The following APAF1 variants were observed in gnomAD, a reference collection of about 807,000 sequenced individuals.
APAF1 encodes apoptotic protease-activating factor 1.
A neutral mutation model predicts 152.4 loss-of-function variants in APAF1; 91 were observed. That is an observed-to-expected ratio of 0.60 (90% CI 0.50 to 0.71). The LOEUF (loss-of-function observed/expected upper bound fraction) is 0.71. Among genes scored for constraint, APAF1 ranks in the 30% least tolerant of loss-of-function variants. The pLI, the probability that APAF1 is intolerant of heterozygous loss-of-function variation, is 0.00. For missense variants in APAF1, 1,283 were observed against 1,472.0 expected (o/e 0.87, Z 2.10); for synonymous variants, 484 against 494.1 (o/e 0.98, Z 0.27).
intron 1 of APAF1, among the ~76,000 whole-genome samples, chr12:98,647,605 C>T (rs905232533): frequency 2.6e-5 from 4 of 151,568 alleles, no homozygotes; most frequent in African/African-American, 9.7e-5. Context: ...TTCCTGACCT[C>T]GTGATCCACC....
chr12:98,659,113 G>A (rs1266426133), intron 4 of APAF1, 47 bp from the exon 5 acceptor site: 4 of 1,551,700 alleles, frequency 2.6e-6, no homozygotes, highest in Non-Finnish European at 3.6e-6. Context: ...ATTTAAAGGA[G>A]TACTCCTGTT....
Position 98,683,197 on chromosome 12 carries a change from C to A in APAF1, c.2101C>A (p.Gln701Lys). ...LVHTYDEHSE[Q>K]VNCCHFTNSS... ...ACACACCTATGATGAGCACTCAGAGCAAGTCAATTGCTGCCATTTCACCAA... is the reference window on the plus strand; with the variant it reads ...ACACACCTATGATGAGCACTCAGAGAAAGTCAATTGCTGCCATTTCACCAA... Residue 701 changes from glutamine (Q) to lysine (K), a missense_variant, in exon 15 of 27, where the codon CAA (glutamine) becomes AAA (lysine). Coordinates refer to ENST00000551964, the MANE Select transcript of APAF1 (RefSeq NM_181861.2). 1 of 1,613,338 alleles carries A rather than the reference C, an allele frequency of 6.2e-7. No homozygotes were observed. The highest frequency in any genetic ancestry group is 8.5e-7 in the Non-Finnish European group (1 of 1,179,378).
chr12:98,686,003 CAG>C (rs879511704), intron 15 of APAF1, among the ~76,000 whole-genome samples: 10 of 152,300 alleles, frequency 6.6e-5, no homozygotes, highest in African/African-American at 2.2e-4. Context: ...GCATGCATCT[CAG>C]AGATCTTAAA....
At chr12:98,705,598 A>T (rs901030896) in intron 18 of APAF1, among the ~76,000 whole-genome samples, 2 of 152,224 alleles carry the variant, frequency 1.3e-5, no homozygotes, top group Non-Finnish European at 2.9e-5. Context: ...TAATGAGAGG[A>T]ACTCAGTCAC....
chr12:98,685,557 A>C (rs1455458659), intron 15 of APAF1, among the ~76,000 whole-genome samples: 2 of 152,004 alleles, frequency 1.3e-5, no homozygotes, highest in Non-Finnish European at 2.9e-5. Flanking sequence ...GGATGGTCTC[A>C]ATCTCCTGAT....
rs1459363038 is a variant in APAF1, at chr12:98,725,447, T to C, written c.3363T>C (p.His1121=). Residue 1121 remains histidine (H), a synonymous_variant, in exon 25 of 27, where the codon CAT becomes CAC. Coordinates refer to ENST00000551964, the MANE Select transcript of APAF1 (RefSeq NM_181861.2). The stretch of plus-strand genomic sequence containing the variant: ...GTTTTGATCTCCTTTTGCCACTTCA[T>C]GAATTGAGGGGCCACAACGGCTGTG... The part of the protein sequence containing the change: ...IWSFDLLLPL[H]ELRGHNGCVR... 5 of 1,614,042 alleles carry C rather than the reference T, an allele frequency of 3.1e-6. No homozygotes were observed. Among genetic ancestry groups the C allele is most frequent in the Non-Finnish European group, 4.2e-6 (5 of 1,180,018 alleles).
chr12:98,686,682 C>T, intron 15 of APAF1, 66 bp from the exon 16 acceptor site: 1 of 1,489,306 alleles, frequency 6.7e-7, no homozygotes, highest in South Asian at 1.2e-5. Flanking sequence ...AAGAACTTCA[C>T]ATGATTTCTG....
chr12:98,716,688 A>G (rs990005239), intron 22 of APAF1, among the ~76,000 whole-genome samples: 3 of 152,096 alleles, frequency 2.0e-5, no homozygotes, highest in East Asian at 1.9e-4. Context: ...TTCCTTTTCA[A>G]TTTGGAAACC....
chr12:98,691,663 T>A (rs2097704357), intron 16 of APAF1, among the ~76,000 whole-genome samples: 2 of 152,206 alleles, frequency 1.3e-5, no homozygotes, highest in African/African-American at 4.8e-5. Context: ...TTTATCTGAT[T>A]CTCATTATTT....
At chr12:98,665,270 ATATATATAT>A (rs1292470186) in intron 7 of APAF1, among the ~76,000 whole-genome samples, 1 of 102,736 alleles carries the variant, frequency 9.7e-6, no homozygotes, top group Non-Finnish European at 2.0e-5. Context: ...ATATATATAT[ATATATATAT>A]TTTTTTTTTT....
intron 4 of APAF1, among the ~76,000 whole-genome samples, chr12:98,655,878 G>C (rs911018841): frequency 9.2e-5 from 14 of 151,938 alleles, no homozygotes; most frequent in Non-Finnish European, 5.9e-5. Flanking sequence ...CGGCCTCCCG[G>C]GTTCACACCA....
In APAF1 at chr12:98,662,523, A is replaced by G. The variant is rs1224389708; in HGVS notation, c.778A>G (p.Ile260Val). 1.2e-6 allele frequency: 2 copies of G among 1,613,654 alleles called. No individual in the cohort carries two copies. Among genetic ancestry groups the G allele is most frequent in the Admixed American group, 3.3e-5 (2 of 59,998 alleles). Residue 260 changes from isoleucine to valine, a missense_variant, in exon 6 of 27, where the codon ATT (isoleucine) becomes GTT (valine). Physicochemically the swap from Ile to Val is conservative, Grantham distance 29. Transcript: ENST00000551964. Reference sequence around the variant, plus strand: ...GAAAGCTTTTGACAGTCAGTGTCAGATTCTTCTTACAACCAGAGACAAGAG... The same window carrying G: ...GAAAGCTTTTGACAGTCAGTGTCAGGTTCTTCTTACAACCAGAGACAAGAG... ...VLKAFDSQCQ[I>V]LLTTRDKSVT... is the part of the protein sequence containing the mutation.
chr12:98,679,716 C>T (rs1395803281), intron 13 of APAF1, among the ~76,000 whole-genome samples: 7 of 152,256 alleles, frequency 4.6e-5, no homozygotes, highest in Non-Finnish European at 8.8e-5. Context: ...ACCGTGTTCC[C>T]CGGTGCCAGC....
Position 98,680,398 on chromosome 12 carries a change from T to C in APAF1, c.2042T>C (p.Val681Ala). 6.2e-7 allele frequency: 1 copy of C among 1,613,144 alleles called. No homozygotes were observed. Among genetic ancestry groups the C allele is most frequent in the Non-Finnish European group, 8.5e-7 (1 of 1,179,948 alleles). Residue 681 changes from valine to alanine, a missense_variant, in exon 14 of 27, where the codon GTG (valine) becomes GCG (alanine). By Grantham distance (64) the Val-to-Ala change is moderately conservative. Coordinates refer to ENST00000551964, the MANE Select transcript of APAF1 (RefSeq NM_181861.2). ...GCAACCTGCTCAGTGGATAAAAAAG[T>C]GAAGGTAGGAAAATCTTTTCCTCTT... ...FIATCSVDKKVKIWNSMTGEL... is the reference protein window; with the variant it reads ...FIATCSVDKKAKIWNSMTGEL...
chr12:98,732,898 T>C lies in APAF1; in HGVS notation c.*332T>C, dbSNP rs1360804864. On this transcript the variant is annotated 3_prime_UTR_variant, in exon 27 of 27. Coordinates refer to ENST00000551964, the MANE Select transcript of APAF1 (RefSeq NM_181861.2). The stretch of plus-strand genomic sequence containing the variant: ...ATTAATGAGAAGAATTTGGAAGAAA[T>C]TGGTATTTTAATACTGTCTGTATTT... The C allele has an allele frequency of 1.6e-5, 5 of 311,086 alleles. No individual in the cohort carries two copies. Among genetic ancestry groups the C allele is most frequent in the Middle Eastern group, 1.1e-3 (1 of 924 alleles). 19.3% of individuals were successfully genotyped at this position (311,086 alleles called of 1,614,324 possible). A position where few individuals can be genotyped will look rare whatever the true frequency, so the allele number is the denominator to read the frequency against.
In APAF1 at chr12:98,686,866, C is replaced by A. The variant is rs949895875; in HGVS notation, c.2297C>A (p.Thr766Asn). The A allele has an allele frequency of 6.2e-7, 1 of 1,613,858 alleles. No individual in the cohort carries two copies. The highest frequency in any genetic ancestry group is 8.5e-7 in the Non-Finnish European group (1 of 1,179,912). Residue 766 changes from threonine (T) to asparagine (N), a missense_variant, in exon 16 of 27, where the codon ACC becomes AAC. By Grantham distance (65) the Thr-to-Asn change is moderately conservative. Coordinates refer to ENST00000551964, the MANE Select transcript of APAF1 (RefSeq NM_181861.2). Reference protein sequence around the residue: ...KLLASCSADGTLKLWDATSAN... With the variant: ...KLLASCSADGNLKLWDATSAN... Reference sequence around the variant, plus strand: ...TTGGCTAGTTGTTCAGCTGATGGAACCTTAAAGGTATGCTTTTGTACACTA... The same window carrying A: ...TTGGCTAGTTGTTCAGCTGATGGAAACTTAAAGGTATGCTTTTGTACACTA...
chr12:98,664,083 G>A (rs935878658), intron 7 of APAF1, among the ~76,000 whole-genome samples: 4 of 151,336 alleles, frequency 2.6e-5, no homozygotes, highest in Admixed American at 6.6e-5. Context: ...GCAGTGGTGC[G>A]ACCTCTGCTC....
chr12:98,725,400 C>T lies in APAF1; in HGVS notation c.3331-15C>T, dbSNP rs2067668344. The stretch of plus-strand genomic sequence containing the variant: ...GTGTTTATAGCATTGCTAAACAATC[C>T]TAATTGCCTTCCAGATCTGGAGTTT... On this transcript the variant is annotated splice_polypyrimidine_tract_variant and intron_variant, in intron 24 of 26. Coordinates refer to ENST00000551964, the MANE Select transcript of APAF1 (RefSeq NM_181861.2). The T allele has an allele frequency of 8.7e-6, 14 of 1,613,962 alleles. No individual in the cohort carries two copies. The highest frequency in any genetic ancestry group is 1.1e-5 in the Non-Finnish European group (13 of 1,179,972).
In APAF1 at chr12:98,653,690, AAATAT is replaced by A. The variant is rs2097652349; in HGVS notation, c.526+4008_526+4012del. Among the ~76,000 whole-genome samples the A allele has an allele frequency of 1.0e-3, 64 of 60,990 alleles. 1 individual carries two copies. The highest frequency in any genetic ancestry group is 4.0e-3 in the African/African-American group (61 of 15,374). 40.0% of individuals were successfully genotyped at this position (60,990 alleles called of 152,430 possible). On this transcript the variant is annotated intron_variant, in intron 4 of 26. Coordinates refer to ENST00000551964, the MANE Select transcript of APAF1 (RefSeq NM_181861.2). Reference sequence around the variant, plus strand: ...AAAAAAAAAAAAAAAAAAAAAAAAAAAATATATATATATATATATATATATATATA... The same window carrying A: ...AAAAAAAAAAAAAAAAAAAAAAAAAAATATATATATATATATATATATATA...
Sources: allele counts gnomAD v4.1 joint callset (sites outside exome capture counted in the v4.1 genomes callset), GRCh38; gene constraint gnomAD v4.1.1; transcripts MANE v1.5; gene names NCBI Gene and HGNC (gene_info 2026-07-23, HGNC 2026-07-21).